The following RIT2 variants were observed in gnomAD, a reference collection of about 807,000 sequenced individuals.
RIT2 encodes the protein GTP-binding protein Rit2.
A neutral mutation model predicts 23.7 loss-of-function variants in RIT2; 24 were observed. The observed-to-expected ratio is 1.01, with a 90% CI of 0.73 to 1.43. The LOEUF (loss-of-function observed/expected upper bound fraction) is 1.43. RIT2 is among the 40% of genes most tolerant of loss of function. The probability of loss-of-function intolerance (pLI) is 0.00; values close to 1 mark genes in which losing one functional copy is unlikely to be tolerated. For synonymous variants in RIT2, 107 were observed against 91.1 expected (o/e 1.17, Z -0.99); for missense variants, 236 against 266.9 (o/e 0.88, Z 0.81).
At chr18:42,981,781 T>C (rs1446205322) in intron 2 of RIT2, among the ~76,000 whole-genome samples, 1 of 152,026 alleles carries the variant, frequency 6.6e-6, no homozygotes, top group African/African-American at 2.4e-5. Context: ...AAATAAGCAA[T>C]AATAACATAC....
At chr18:42,830,059 GGAGT>G (rs1906411855) in intron 4 of RIT2, among the ~76,000 whole-genome samples, 1 of 152,090 alleles carries the variant, frequency 6.6e-6, no homozygotes, top group Admixed American at 6.6e-5. Flanking sequence ...AAGCAAACAA[GGAGT>G]GAGAATTTCT....
intron 4 of RIT2, among the ~76,000 whole-genome samples, chr18:42,829,979 A>G (rs1409129920): frequency 2.0e-5 from 3 of 152,216 alleles, no homozygotes; most frequent in African/African-American, 7.2e-5. Flanking sequence ...GCTGTATTTA[A>G]ATTATCATTC....
intron 3 of RIT2, among the ~76,000 whole-genome samples, chr18:42,943,365 C>T (rs1909651161): frequency 1.3e-5 from 2 of 152,142 alleles, no homozygotes; most frequent in East Asian, 1.9e-4. Context: ...CTGATTGGAG[C>T]ATTTTACAAT....
intron 2 of RIT2, among the ~76,000 whole-genome samples, chr18:43,008,034 A>G (rs1189059614): frequency 6.6e-6 from 1 of 151,628 alleles, no homozygotes; most frequent in Non-Finnish European, 1.5e-5. Context: ...GTGTCTTTGG[A>G]TCAAGGACAT....
At chr18:43,013,172 A>T (rs1047627336) in intron 2 of RIT2, among the ~76,000 whole-genome samples, 9 of 151,846 alleles carry the variant, frequency 5.9e-5, no homozygotes, top group Non-Finnish European at 1.3e-4. Flanking sequence ...ACATCACTGA[A>T]CTGATCAACA....
chr18:42,923,709 T>C lies in RIT2; in HGVS notation c.289A>G (p.Ile97Val), dbSNP rs1334507038. 1.2e-6 allele frequency: 2 copies of C among 1,612,558 alleles called. No homozygotes were observed. The highest frequency in any genetic ancestry group is 3.3e-5 in the Admixed American group (2 of 59,840). Residue 97 changes from isoleucine (I) to valine (V), a missense_variant, in exon 4 of 5, where the codon ATC becomes GTC. Transcript: ENST00000326695. ...TGACGGTCAGTGACGGAGTAGCAGA[T>C]GATGAAGCCTTCCCCACCTCGCATG... ...QYMRGGEGFI[I>V]CYSVTDRQSF...
chr18:42,791,120 G>A (rs547654159), intron 4 of RIT2, among the ~76,000 whole-genome samples: 1 of 152,336 alleles, frequency 6.6e-6, no homozygotes, highest in South Asian at 2.1e-4. Flanking sequence ...AACTTGGGAA[G>A]CAGCAGGACT....
chr18:43,114,333 G>A (rs960002184), intron 1 of RIT2, among the ~76,000 whole-genome samples: 2 of 152,044 alleles, frequency 1.3e-5, no homozygotes, highest in African/African-American at 4.8e-5. Context: ...GTCCACTAAA[G>A]TCACAATCTC....
chr18:42,900,958 G>A (rs1249307196), intron 4 of RIT2, among the ~76,000 whole-genome samples: 5 of 151,720 alleles, frequency 3.3e-5, no homozygotes, highest in Admixed American at 2.6e-4. Flanking sequence ...TTTATATCAC[G>A]GTTAAAATTT....
chr18:43,051,393 G>A (rs1912380127), intron 1 of RIT2, among the ~76,000 whole-genome samples: 1 of 152,040 alleles, frequency 6.6e-6, no homozygotes, highest in African/African-American at 2.4e-5. Context: ...GAATAGATGA[G>A]GTATGGAAGA....
At chr18:42,771,861 A>C (rs1913559572) in intron 4 of RIT2, among the ~76,000 whole-genome samples, 1 of 152,126 alleles carries the variant, frequency 6.6e-6, no homozygotes, top group African/African-American at 2.4e-5. Flanking sequence ...GTGAGGCAGT[A>C]ATTAGAAATT....
At chr18:42,828,984 CT>C (rs1906382328) in intron 4 of RIT2, among the ~76,000 whole-genome samples, 1 of 152,124 alleles carries the variant, frequency 6.6e-6, no homozygotes, top group South Asian at 2.1e-4. Context: ...AGTTTGTGCC[CT>C]TTTCTGGCAG....
At chr18:42,859,800 C>T (rs1165291944) in intron 4 of RIT2, among the ~76,000 whole-genome samples, 2 of 151,076 alleles carry the variant, frequency 1.3e-5, no homozygotes, top group East Asian at 1.9e-4. Flanking sequence ...GACAGGATGT[C>T]GCCCTGTCTC....
intron 4 of RIT2, among the ~76,000 whole-genome samples, chr18:42,811,644 TA>T (rs1279822090): frequency 1.3e-5 from 2 of 152,010 alleles, no homozygotes; most frequent in African/African-American, 4.8e-5. Flanking sequence ...ATCACTGCAT[TA>T]AAAATCCACA....
intron 4 of RIT2, among the ~76,000 whole-genome samples, chr18:42,854,301 C>A (rs966595194): frequency 6.6e-6 from 1 of 152,080 alleles, no homozygotes; most frequent in Non-Finnish European, 1.5e-5. Context: ...TTGTCAGGGG[C>A]CTATTATATT....
At chr18:42,779,555 C>A (rs1207913895) in intron 4 of RIT2, among the ~76,000 whole-genome samples, 3 of 152,142 alleles carry the variant, frequency 2.0e-5, no homozygotes, top group Non-Finnish European at 4.4e-5. Context: ...TGAATGAAAT[C>A]TTCCTTTCCA....
chr18:42,766,090 AC>A (rs1913415625), intron 4 of RIT2, among the ~76,000 whole-genome samples: 1 of 152,176 alleles, frequency 6.6e-6, no homozygotes, highest in Non-Finnish European at 1.5e-5. Context: ...TTGAAAACGA[AC>A]TAATACAGTA....
At chr18:42,780,423 A>C (rs1175359351) in intron 4 of RIT2, among the ~76,000 whole-genome samples, 2 of 152,086 alleles carry the variant, frequency 1.3e-5, no homozygotes, top group Non-Finnish European at 2.9e-5. Context: ...TCCAAGTAGC[A>C]GGCTTCAGAG....
intron 1 of RIT2, among the ~76,000 whole-genome samples, chr18:43,059,307 T>G (rs1234093775): frequency 6.6e-6 from 1 of 152,078 alleles, no homozygotes; most frequent in African/African-American, 2.4e-5. Flanking sequence ...TTCAGAAACT[T>G]TAAATAATTA....
Sources: allele counts gnomAD v4.1 joint callset (sites outside exome capture counted in the v4.1 genomes callset), GRCh38; gene constraint gnomAD v4.1.1; transcripts MANE v1.5; gene names NCBI Gene and HGNC (gene_info 2026-07-23, HGNC 2026-07-21).